The following PRPF8 variants were observed in gnomAD, a reference collection of about 807,000 sequenced individuals.
PRPF8 encodes pre-mRNA-processing-splicing factor 8.
A neutral mutation model predicts 285.9 loss-of-function variants in PRPF8; 64 were observed. The ratio of observed to expected loss-of-function variants is 0.22; its 90% CI spans 0.18 to 0.28. PRPF8 has a LOEUF of 0.28. Among genes scored for constraint, PRPF8 ranks in the 10% least tolerant of loss-of-function variants. PRPF8 has a pLI of 1.00. For synonymous variants in PRPF8, 1,325 were observed against 1,118.2 expected, an observed-to-expected ratio of 1.18 and a Z score of -3.69; for missense variants, 1,426 against 3,026.7, an observed-to-expected ratio of 0.47 and a Z score of 12.41.
At chr17:1,657,775 T>C (rs755291582) in intron 34 of PRPF8, among the ~76,000 whole-genome samples, 1 of 150,184 alleles carries the variant, frequency 6.7e-6, no homozygotes, top group African/African-American at 2.5e-5. Context: ...GAGACCATCC[T>C]GGCTAACACG....
At chr17:1,684,183 G>A (rs1913099019) in intron 2 of PRPF8, among the ~76,000 whole-genome samples, 1 of 152,084 alleles carries the variant, frequency 6.6e-6, no homozygotes, top group African/African-American at 2.4e-5. Flanking sequence ...CACCGCGCCC[G>A]GCCTGACATT....
chr17:1,668,305 T>C (rs1335002576), intron 24 of PRPF8, among the ~76,000 whole-genome samples: 1 of 151,684 alleles, frequency 6.6e-6, no homozygotes, highest in East Asian at 1.9e-4. Flanking sequence ...TGGCCTCTTC[T>C]GCTCTCTCTC....
At position 1,676,752 on chromosome 17, in the gene PRPF8, G is replaced by A. The variant is rs772771876; in HGVS notation, c.2182-41C>T. 1 of 1,603,754 alleles carries A rather than the reference G, an allele frequency of 6.2e-7. No homozygotes were observed. Among genetic ancestry groups the A allele is most frequent in the Admixed American group, 1.7e-5 (1 of 60,010 alleles). On this transcript the variant is annotated intron_variant, in intron 15 of 42. Transcript: ENST00000304992. The surrounding 1 kb of genome is among the most constrained non-coding windows in gnomAD (Gnocchi z 6.3). ...GCACAATCAAGCCAGGATCCAGCCA[G>A]GCACTGTGGCACACATCTGTAGTCC...
rs185897327 is a variant in PRPF8, at chr17:1,679,476, G to A, written c.1290-66C>T. The A allele has an allele frequency of 1.1e-4, 171 of 1,607,564 alleles. No individual in the cohort carries two copies. The African/African-American group carries it at 1.7e-3, about 16-fold the overall frequency. ...CCAGACACTCTGCTAAAGGCTGCAA[G>A]CCTTGGGTTGTCTACCATTTTTATG... On this transcript the variant is annotated intron_variant, in intron 9 of 42. Coordinates refer to ENST00000304992, the MANE Select transcript of PRPF8 (RefSeq NM_006445.4). The surrounding 1 kb of genome is among the most constrained non-coding windows in gnomAD (Gnocchi z 4.7).
chr17:1,682,117 A>G lies in PRPF8; in HGVS notation c.434+12T>C. 6.2e-7 allele frequency: 1 copy of G among 1,613,762 alleles called. No individual in the cohort carries two copies. Among genetic ancestry groups the G allele is most frequent in the Non-Finnish European group, 8.5e-7 (1 of 1,179,924 alleles). On this transcript the variant is annotated intron_variant, in intron 4 of 42. Transcript: ENST00000304992. ...CCACCACCACCACCCACCATATTTCAGCCTTTCTCACCCCCACTGGGAGAT... is the reference window on the plus strand; with the variant it reads ...CCACCACCACCACCCACCATATTTCGGCCTTTCTCACCCCCACTGGGAGAT...
Position 1,681,642 on chromosome 17 carries a change from C to T in PRPF8, c.702G>A (p.Met234Ile), listed in dbSNP as rs762774283. The change falls in exon 6 of 43, where the codon ATG (methionine) becomes ATA (isoleucine). Residue 234 changes from methionine (M) to isoleucine (I), a missense_variant. Coordinates refer to ENST00000304992, the MANE Select transcript of PRPF8 (RefSeq NM_006445.4). ...TYQRWQFTLP[M>I]MSTLYRLANQ... Reference sequence around the variant, plus strand: ...TAGCCAGGCGGTAGAGAGTCGACATCATAGGTAGTGTGAACTGCCAGCGCT... The same window carrying T: ...TAGCCAGGCGGTAGAGAGTCGACATTATAGGTAGTGTGAACTGCCAGCGCT... 8 of 1,614,136 alleles carry T rather than the reference C, an allele frequency of 5.0e-6. No individual in the cohort carries two copies. The highest frequency in any genetic ancestry group is 6.8e-6 in the Non-Finnish European group (8 of 1,180,022).
In PRPF8 at chr17:1,668,845, T is replaced by TCC. The variant is rs1212098803; in HGVS notation, c.3774+4234_3774+4235dup. On this transcript the variant is annotated intron_variant, in intron 24 of 42. Transcript: ENST00000304992. ...TTGTCTTCCCAAAACCCAGCTGAGC[T>TCC]CCCAACACACCTTCCAATCCCTCTC... is the stretch of plus-strand genomic sequence containing the variant. 7.9e-5 allele frequency among the ~76,000 whole-genome samples: 12 copies of TCC among 152,200 alleles called. No individual in the cohort carries two copies. In the East Asian group the frequency reaches 2.1e-3, roughly 27 times the overall value.
chr17:1,677,272 A>C, intron 14 of PRPF8, 100 bp from the exon 15 acceptor site: 1 of 1,253,580 alleles, frequency 8.0e-7, no homozygotes, highest in Non-Finnish European at 1.2e-6. Flanking sequence ...TATTAATAAA[A>C]TTAGGTATTA....
Position 1,676,775 on chromosome 17 carries a change from T to A in PRPF8, c.2182-64A>T, listed in dbSNP as rs375969590. 7.6e-6 allele frequency: 12 copies of A among 1,575,982 alleles called. No individual in the cohort carries two copies. In the East Asian group the frequency reaches 8.9e-5, roughly 12 times the overall value. ...CAGGCACTGTGGCACACATCTGTAG[T>A]CCCGGCTACTCAGGAGGCTAAGGAG... On this transcript the variant is annotated intron_variant, in intron 15 of 42. Coordinates refer to ENST00000304992, the MANE Select transcript of PRPF8 (RefSeq NM_006445.4). The surrounding 1 kb of genome is among the most constrained non-coding windows in gnomAD (Gnocchi z 6.3).
At position 1,680,469 on chromosome 17, in the gene PRPF8, G is replaced by C. The variant is rs1399074063; in HGVS notation, c.1098+257C>G. The stretch of plus-strand genomic sequence containing the variant: ...AAGGCTAAAACAAACAAACACAATA[G>C]AGACAGACCGGGACAGATTATCTAG... On this transcript the variant is annotated intron_variant, in intron 8 of 42. Transcript: ENST00000304992. The C allele has an allele frequency of 2.3e-5, 13 of 572,186 alleles. 1 individual carries two copies. Among genetic ancestry groups the C allele is most frequent in the Middle Eastern group, 4.6e-4 (1 of 2,154 alleles). The allele number at this position is 572,186 out of a possible 1,614,324, so 35.4% of individuals were successfully genotyped here. A position where few individuals can be genotyped will look rare whatever the true frequency, so the allele number is the denominator to read the frequency against.
At position 1,653,937 on chromosome 17, in the gene PRPF8, G is replaced by A; in HGVS notation, c.6067C>T (p.Arg2023Trp). 3 of 1,613,398 alleles carry A rather than the reference G, an allele frequency of 1.9e-6. No homozygotes were observed. Among genetic ancestry groups the A allele is most frequent in the Non-Finnish European group, 2.5e-6 (3 of 1,179,816 alleles). ...GMEISAPSQQ[R>W]QQIAEIEKQT... The stretch of plus-strand genomic sequence containing the variant: ...TTCTCGATCTCAGCGATCTGCTGCC[G>A]CTGCTGTGACGGTGCCGAGATCTCC... The change falls in exon 38 of 43, where the codon CGG becomes TGG. Residue 2023 changes from arginine (R) to tryptophan (W), a missense_variant. Transcript: ENST00000304992. This position sits in a 1 kb window ranked among gnomAD's most constrained non-coding sequence, Gnocchi z 4.9.
intron 1 of PRPF8, 81 bp downstream of exon 1, chr17:1,684,699 C>T: frequency 1.0e-6 from 1 of 955,924 alleles, no homozygotes; most frequent in Non-Finnish European, 1.6e-6. Flanking sequence ...GCATCCAGCC[C>T]CGCCCGGCCT....
chr17:1,658,471 C>T lies in PRPF8; in HGVS notation c.5376+55G>A. On this transcript the variant is annotated intron_variant, in intron 33 of 42. Coordinates refer to ENST00000304992, the MANE Select transcript of PRPF8 (RefSeq NM_006445.4). The surrounding 1 kb of genome is among the most constrained non-coding windows in gnomAD (Gnocchi z 4.1). ...GCATGTGTACACACTTAGCCCATTACTCTCCCACAGCCATGTACAGAGTCC... is the reference window on the plus strand; with the variant it reads ...GCATGTGTACACACTTAGCCCATTATTCTCCCACAGCCATGTACAGAGTCC... 7 of 1,613,680 alleles carry T rather than the reference C, an allele frequency of 4.3e-6. No homozygotes were observed. The highest frequency in any genetic ancestry group is 5.9e-6 in the Non-Finnish European group (7 of 1,179,562).
At chr17:1,669,557 T>C (rs1912194759) in intron 24 of PRPF8, among the ~76,000 whole-genome samples, 1 of 152,232 alleles carries the variant, frequency 6.6e-6, no homozygotes, top group Non-Finnish European at 1.5e-5. Flanking sequence ...GACAAACAGA[T>C]TGTCCTTGCT....
Position 1,653,794 on chromosome 17 carries a change from C to G in PRPF8, c.6210G>C (p.Lys2070Asn), listed in dbSNP as rs1911207831. 6.2e-7 allele frequency: 1 copy of G among 1,614,130 alleles called. No individual in the cohort carries two copies. The highest frequency in any genetic ancestry group is 8.5e-7 in the Non-Finnish European group (1 of 1,180,018). ...GACAGTACCTGACCCTCCACTCAGT[C>G]TTGGATGAGAAAGTCTGGGTCTCAT... The part of the protein sequence containing the change: ...SNYETQTFSS[K>N]TEWRVRAISA... The change falls in exon 38 of 43, where the codon AAG (lysine) becomes AAC (asparagine). Residue 2070 changes from lysine to asparagine, a missense_variant. Physicochemically the swap from Lys to Asn is moderately conservative, Grantham distance 94. This residue lies in a region of PRPF8 where 160 missense variants were observed against 373.7 expected (regional missense o/e 0.43). Transcript: ENST00000304992. The surrounding 1 kb of genome is among the most constrained non-coding windows in gnomAD (Gnocchi z 4.9).
chr17:1,654,656 G>A (rs1046338795), intron 37 of PRPF8: 1 of 176,190 alleles, frequency 5.7e-6, no homozygotes, highest in Non-Finnish European at 1.2e-5. Flanking sequence ...TTCAAGACAA[G>A]AGTCTCGCTC....
In PRPF8 at chr17:1,682,015, C is replaced by T. The variant is rs766679500; in HGVS notation, c.458G>A (p.Arg153Gln). Residue 153 changes from arginine to glutamine, a missense_variant, in exon 5 of 43, where the codon CGA (arginine) becomes CAA (glutamine). Coordinates refer to ENST00000304992, the MANE Select transcript of PRPF8 (RefSeq NM_006445.4). The part of the protein sequence containing the change: ...QWGSMWIMMR[R>Q]EKRDRRHFKR... ...GAAATGCCTCCTATCTCTTTTTTCT[C>T]GGCGCATCATAATCCACATTGACCT... 1.9e-6 allele frequency: 3 copies of T among 1,613,886 alleles called. No individual in the cohort carries two copies. The highest frequency in any genetic ancestry group is 2.5e-6 in the Non-Finnish European group (3 of 1,179,984).
chr17:1,683,115 C>A (rs62089992), intron 3 of PRPF8: 7,004 of 282,150 alleles, frequency 0.025, 130 homozygotes, highest in Middle Eastern at 0.055. Context: ...CCTGCCTCAG[C>A]CTCCCAAGTA....
At chr17:1,682,362 A>T in intron 3 of PRPF8, 69 bp from the exon 4 acceptor site, 2 of 1,554,668 alleles carry the variant, frequency 1.3e-6, no homozygotes, top group South Asian at 1.1e-5. Context: ...CCATGCAGAG[A>T]AGCCACATGT....
Sources: gnomAD v4.1 joint callset for allele counts (sites outside exome capture counted in the v4.1 genomes callset) on GRCh38, gnomAD v4.1.1 for gene constraint, gnomAD v4.1.1 regional missense constraint, Gnocchi (gnomAD v3.1) non-coding constraint, MANE v1.5 for transcripts, NCBI Gene and HGNC (gene_info 2026-07-23, HGNC 2026-07-21) for gene names.